Variants in PLD1 observed in about 807,000 individuals in gnomAD.
The protein encoded by PLD1 is choline phosphatase 1.
A neutral mutation model predicts 137.1 loss-of-function variants in PLD1; 112 were observed. That is an observed-to-expected ratio of 0.82 (90% confidence interval 0.70 to 0.96). PLD1 has a LOEUF of 0.96. PLD1 is among the 40% of genes least tolerant of loss of function. The pLI is 0.00. For synonymous variants in PLD1, 431 were observed against 454.7 expected, an observed-to-expected ratio of 0.95 and a Z score of 0.66; for missense variants, 1,321 against 1,342.0, an observed-to-expected ratio of 0.98 and a Z score of 0.24.
chr3:171,657,560 C>T (rs559907744), intron 21 of PLD1, among the ~76,000 whole-genome samples: 2 of 152,274 alleles, frequency 1.3e-5, no homozygotes, highest in African/African-American at 4.8e-5. Flanking sequence ...GTCTTTTTAA[C>T]AAATGGTGCT....
intron 1 of PLD1, among the ~76,000 whole-genome samples, chr3:171,785,895 C>T (rs1722995054): frequency 6.6e-6 from 1 of 152,212 alleles, no homozygotes; most frequent in South Asian, 2.1e-4. Context: ...GTACTCTCTA[C>T]AGTGATTTAC....
At chr3:171,718,688 C>T (rs539318610) in intron 8 of PLD1, among the ~76,000 whole-genome samples, 3 of 152,258 alleles carry the variant, frequency 2.0e-5, no homozygotes, top group South Asian at 4.1e-4. Flanking sequence ...AAGTCAGCCT[C>T]CCTGGGCTCC....
intron 1 of PLD1, among the ~76,000 whole-genome samples, chr3:171,769,106 T>C (rs1722173407): frequency 6.6e-6 from 1 of 152,202 alleles, no homozygotes; most frequent in African/African-American, 2.4e-5. Flanking sequence ...GAGGAAACAT[T>C]TTAACGTGTA....
At chr3:171,803,491 C>T (rs1299321787) in intron 1 of PLD1, among the ~76,000 whole-genome samples, 1 of 152,066 alleles carries the variant, frequency 6.6e-6, no homozygotes, top group African/African-American at 2.4e-5. Flanking sequence ...TGTAAATATT[C>T]CTGGAAGGCC....
In PLD1 at chr3:171,644,970, T is replaced by A; in HGVS notation, c.2483A>T (p.Glu828Val). 6.2e-7 allele frequency: 1 copy of A among 1,614,090 alleles called. No individual in the cohort carries two copies. The highest frequency in any genetic ancestry group is 8.5e-7 in the Non-Finnish European group (1 of 1,179,936). ...YVVIPLLPGF[E>V]GDISTGGGNA... Reference sequence around the variant, plus strand: ...TCCTCCGCCGGTTGAAATGTCTCCTTCGAACCCTGGCAGAAGTGGTATCAC... The same window carrying A: ...TCCTCCGCCGGTTGAAATGTCTCCTACGAACCCTGGCAGAAGTGGTATCAC... Residue 828 changes from glutamate (E) to valine (V), a missense_variant, in exon 22 of 27, where the codon GAA becomes GTA. Glu to Val is a moderately radical substitution (Grantham distance 121, BLOSUM62 -2). Coordinates refer to ENST00000351298, the MANE Select transcript of PLD1 (RefSeq NM_002662.5).
chr3:171,662,037 G>GA, intron 20 of PLD1, 23 bp downstream of exon 20: 1 of 1,379,550 alleles, frequency 7.2e-7, no homozygotes, highest in Non-Finnish European at 1.0e-6. Context: ...TTTCTCACAC[G>GA]AATTTACATG....
chr3:171,621,715 T>A (rs1733647846), intron 23 of PLD1, among the ~76,000 whole-genome samples: 1 of 152,216 alleles, frequency 6.6e-6, no homozygotes, highest in African/African-American at 2.4e-5. Context: ...GAGATGCATT[T>A]CTAAAACGTT....
intron 23 of PLD1, among the ~76,000 whole-genome samples, chr3:171,639,541 A>AT (rs374086433): frequency 0.32 from 22,373 of 69,796 alleles, 5,154 homozygotes; most frequent in African/African-American, 0.46. Flanking sequence ...TATATTATAT[A>AT]AATATATATT....
Position 171,790,587 on chromosome 3 carries a change from T to C in PLD1, c.-32+19812A>G, listed in dbSNP as rs149275648. 3.9e-4 allele frequency among the ~76,000 whole-genome samples: 60 copies of C among 152,340 alleles called. 1 individual carries two copies. Among genetic ancestry groups the C allele is most frequent in the African/African-American group, 1.3e-3 (52 of 41,584 alleles). Reference sequence around the variant, plus strand: ...AGAGATGCACAGTGAGGTGTGGCTATGTTACTAAGCTCTGGCCAATGAGAT... The same window carrying C: ...AGAGATGCACAGTGAGGTGTGGCTACGTTACTAAGCTCTGGCCAATGAGAT... On this transcript the variant is annotated intron_variant, in intron 1 of 26. Transcript: ENST00000351298.
intron 23 of PLD1, among the ~76,000 whole-genome samples, chr3:171,623,642 C>A (rs1352409727): frequency 6.7e-6 from 1 of 150,352 alleles, no homozygotes; most frequent in African/African-American, 2.4e-5. Context: ...GATATTAACA[C>A]ATACTATAAA....
intron 1 of PLD1, among the ~76,000 whole-genome samples, chr3:171,804,754 A>C (rs1247675268): frequency 1.3e-5 from 2 of 152,262 alleles, no homozygotes. Context: ...AACAGTTTAA[A>C]CATTAAGATC....
chr3:171,672,973 T>G (rs1034133473), intron 19 of PLD1, among the ~76,000 whole-genome samples: 2 of 152,224 alleles, frequency 1.3e-5, no homozygotes, highest in Non-Finnish European at 2.9e-5. Context: ...ATTACAAAAA[T>G]ACTTAATTCC....
chr3:171,614,103 A>G (rs1732896814), intron 24 of PLD1, among the ~76,000 whole-genome samples: 1 of 152,208 alleles, frequency 6.6e-6, no homozygotes, highest in Non-Finnish European at 1.5e-5. Flanking sequence ...GCCTGTTGCC[A>G]GAATATTGTC....
intron 1 of PLD1, among the ~76,000 whole-genome samples, chr3:171,751,578 C>A (rs1170467701): frequency 6.6e-6 from 1 of 152,114 alleles, no homozygotes; most frequent in East Asian, 1.9e-4. Flanking sequence ...TCAGGGAAGT[C>A]GTATTGAAAC....
chr3:171,777,678 A>C (rs1722635914), intron 1 of PLD1, among the ~76,000 whole-genome samples: 1 of 152,108 alleles, frequency 6.6e-6, no homozygotes, highest in South Asian at 2.1e-4. Flanking sequence ...CCACTGTCCC[A>C]ACTGTGGCAA....
rs141903483 is a variant in PLD1 at position 171,693,854 on chromosome 3, T to C, written c.1228-1412A>G. 2.6e-5 allele frequency among the ~76,000 whole-genome samples: 4 copies of C among 152,280 alleles called. 1 individual carries two copies. Among genetic ancestry groups the C allele is most frequent in the African/African-American group, 9.6e-5 (4 of 41,552 alleles). Reference sequence around the variant, plus strand: ...ATTAGTCATTGTTTATAAGGGAAATTTGAATAAAAATCTTTAAGATATCTT... The same window carrying C: ...ATTAGTCATTGTTTATAAGGGAAATCTGAATAAAAATCTTTAAGATATCTT... On this transcript the variant is annotated intron_variant, in intron 12 of 26. Transcript: ENST00000351298.
chr3:171,625,311 G>A (rs1270248357), intron 23 of PLD1, among the ~76,000 whole-genome samples: 3 of 152,256 alleles, frequency 2.0e-5, no homozygotes, highest in Admixed American at 6.5e-5. Flanking sequence ...AGGGGCGCCT[G>A]CCATTGCCCA....
intron 8 of PLD1, among the ~76,000 whole-genome samples, chr3:171,723,338 C>A (rs764819690): frequency 3.9e-5 from 6 of 152,174 alleles, no homozygotes; most frequent in Admixed American, 2.0e-4. Flanking sequence ...AGTACCCCAT[C>A]ATGTGTATGT....
chr3:171,746,015 G>A (rs1378151156), intron 1 of PLD1, among the ~76,000 whole-genome samples: 2 of 109,870 alleles, frequency 1.8e-5, no homozygotes, highest in Admixed American at 8.3e-5. Flanking sequence ...GGCAGTGAGG[G>A]GCTTAGCACC....
Sources: gnomAD v4.1 joint callset for allele counts (sites outside exome capture counted in the v4.1 genomes callset) on GRCh38, gnomAD v4.1.1 for gene constraint, MANE v1.5 for transcripts, NCBI Gene and HGNC (gene_info 2026-07-23, HGNC 2026-07-21) for gene names.